Variants in MTMR7 observed in about 807,000 individuals in gnomAD.
MTMR7 encodes the protein phosphatidylinositol-3-phosphate phosphatase MTMR7.
Under a neutral mutation model 81.2 loss-of-function variants are expected in MTMR7, and 76 were observed. The observed-to-expected ratio is 0.94, with a 90% CI of 0.78 to 1.13. The LOEUF is 1.13. Among genes scored for constraint, MTMR7 ranks in the 50% most tolerant of loss-of-function variants. The pLI, the probability that MTMR7 is intolerant of heterozygous loss-of-function variation, is 0.00. For synonymous variants in MTMR7, 372 were observed against 289.8 expected (o/e 1.28, Z -2.88); for missense variants, 1,044 against 820.0 (o/e 1.27, Z -3.34).
At chr8:17,361,957 T>G (rs1820074548) in intron 3 of MTMR7, among the ~76,000 whole-genome samples, 1 of 152,204 alleles carries the variant, frequency 6.6e-6, no homozygotes, top group African/African-American at 2.4e-5. Context: ...GTGTTATCTC[T>G]GTCTTTATAT....
chr8:17,410,149 A>C (rs1189648625), intron 1 of MTMR7, among the ~76,000 whole-genome samples: 1 of 152,136 alleles, frequency 6.6e-6, no homozygotes, highest in African/African-American at 2.4e-5. Flanking sequence ...AGCAAAAAAA[A>C]ATAAATCAGG....
At chr8:17,305,596 T>TTTATGAAATGACACC (rs769074962) in intron 11 of MTMR7, among the ~76,000 whole-genome samples, 161 bp downstream of exon 11, 9 of 152,158 alleles carry the variant, frequency 5.9e-5, no homozygotes, top group Non-Finnish European at 1.0e-4. Flanking sequence ...ATTTAAACCA[T>TTTATGAAATGACACC]TTATGAAATG....
At chr8:17,407,586 T>C (rs1821624798) in intron 1 of MTMR7, among the ~76,000 whole-genome samples, 1 of 147,774 alleles carries the variant, frequency 6.8e-6, no homozygotes, top group Non-Finnish European at 1.5e-5. Flanking sequence ...TATAATGACA[T>C]TTCCATAGGA....
chr8:17,362,031 G>A (rs1453421650), intron 3 of MTMR7, among the ~76,000 whole-genome samples: 1 of 151,952 alleles, frequency 6.6e-6, no homozygotes, highest in Non-Finnish European at 1.5e-5. Context: ...TAAAATCTAG[G>A]ATTTGATTTT....
chr8:17,367,253 A>C (rs1043235040), intron 3 of MTMR7, among the ~76,000 whole-genome samples: 1 of 152,160 alleles, frequency 6.6e-6, no homozygotes, highest in African/African-American at 2.4e-5. Context: ...CTAGTTTAGG[A>C]AAAGGGGGAA....
intron 11 of MTMR7, among the ~76,000 whole-genome samples, chr8:17,305,368 A>G (rs1209969288): frequency 6.6e-6 from 1 of 152,224 alleles, no homozygotes; most frequent in East Asian, 1.9e-4. Context: ...TAATCTGAAT[A>G]AATTCTGGCT....
At chr8:17,382,977 A>G (rs1258762516) in intron 1 of MTMR7, among the ~76,000 whole-genome samples, 1 of 152,094 alleles carries the variant, frequency 6.6e-6, no homozygotes, top group Non-Finnish European at 1.5e-5. Context: ...CAGGGCACCA[A>G]ACTGTCAGGA....
At chr8:17,369,275 C>T (rs1820332825) in intron 3 of MTMR7, among the ~76,000 whole-genome samples, 1 of 152,214 alleles carries the variant, frequency 6.6e-6, no homozygotes. Context: ...CTTACTCTGC[C>T]TTTCTTTTAA....
At chr8:17,338,904 C>CCA (rs747680953) in intron 6 of MTMR7, 1 of 152,100 alleles carries the variant, frequency 6.6e-6, no homozygotes, top group African/African-American at 2.4e-5. Context: ...AGTAGTAACT[C>CCA]CACACACTTC....
intron 1 of MTMR7, among the ~76,000 whole-genome samples, chr8:17,385,735 T>C (rs1820917846): frequency 6.6e-6 from 1 of 152,208 alleles, no homozygotes; most frequent in African/African-American, 2.4e-5. Flanking sequence ...GTCTCTGTCT[T>C]GCTCCTGCTC....
At chr8:17,301,050 A>T (rs1029402493) in intron 13 of MTMR7, among the ~76,000 whole-genome samples, 1 of 152,226 alleles carries the variant, frequency 6.6e-6, no homozygotes, top group Admixed American at 6.5e-5. Flanking sequence ...TGTTCAGAAT[A>T]CATTTCGCCA....
intron 1 of MTMR7, among the ~76,000 whole-genome samples, chr8:17,407,893 A>G (rs541223347): frequency 2.0e-5 from 3 of 152,336 alleles, no homozygotes; most frequent in Non-Finnish European, 4.4e-5. Flanking sequence ...TGAATGATCA[A>G]GAGAAGGCAA....
intron 7 of MTMR7, among the ~76,000 whole-genome samples, chr8:17,324,053 G>A (rs946784653): frequency 6.6e-6 from 1 of 152,098 alleles, no homozygotes; most frequent in Non-Finnish European, 1.5e-5. Context: ...AATGTCAAAC[G>A]CTTTGGCTTT....
chr8:17,361,034 G>T, intron 4 of MTMR7, 83 bp downstream of exon 4: 1 of 1,464,740 alleles, frequency 6.8e-7, no homozygotes, highest in Non-Finnish European at 9.5e-7. Flanking sequence ...TATAAAACCT[G>T]AAGGAGATAA....
chr8:17,299,566 C>A lies in MTMR7; in HGVS notation c.*296G>T, dbSNP rs1586120699. The A allele has an allele frequency of 3.2e-6, 1 of 312,626 alleles. No homozygotes were observed. The highest frequency in any genetic ancestry group is 6.0e-6 in the Non-Finnish European group (1 of 167,774). The allele number at this position is 312,626 out of a possible 1,614,324, so 19.4% of individuals were successfully genotyped here. On this transcript the variant is annotated 3_prime_UTR_variant, in exon 14 of 14. Transcript: ENST00000180173. ...CATGCTATGACAAGGAAGATAGATA[C>A]TGATCACTTCAGGTAATGACAGAAG...
rs1047314779 is a variant in MTMR7 at position 17,301,393 on chromosome 8, T to C, written c.1620+761A>G. On this transcript the variant is annotated intron_variant, in intron 13 of 13. Transcript: ENST00000180173. ...TAAACTTGGACATTCTGGTGATAGC[T>C]AGTAAGCATTCCTGACAGGAGTAGG... Among the ~76,000 whole-genome samples the C allele has an allele frequency of 4.7e-4, 71 of 152,288 alleles. 1 individual carries two copies. Among genetic ancestry groups the C allele is most frequent in the Admixed American group, 3.2e-3 (49 of 15,296 alleles).
intron 3 of MTMR7, among the ~76,000 whole-genome samples, chr8:17,366,843 G>A (rs1028677240): frequency 1.4e-5 from 2 of 142,554 alleles, no homozygotes; most frequent in East Asian, 2.1e-4. Context: ...CCGAGATCGA[G>A]CCACTGCACT....
Position 17,369,454 on chromosome 8 carries a change from A to AAAG in MTMR7, c.310+1582_310+1583insCTT, listed in dbSNP as rs764699905. Among the ~76,000 whole-genome samples the AAAG allele has an allele frequency of 1.4e-3, 218 of 152,290 alleles. 3 individuals carry two copies. The highest frequency in any genetic ancestry group is 2.1e-3 in the Non-Finnish European group (143 of 68,020). On this transcript the variant is annotated intron_variant, in intron 3 of 13. Coordinates refer to ENST00000180173, the MANE Select transcript of MTMR7 (RefSeq NM_004686.5). ...CATAAGAAACTTAGGATCCAACCAA[A>AAAG]TGCCTTGAAAAGTTCATAATTGAAC...
At chr8:17,390,288 G>T (rs893219982) in intron 1 of MTMR7, among the ~76,000 whole-genome samples, 17 of 151,712 alleles carry the variant, frequency 1.1e-4, no homozygotes, top group African/African-American at 4.1e-4. Flanking sequence ...TTCTCACATG[G>T]TGGGAGCAGG....
Sources: gnomAD v4.1 joint callset for allele counts (sites outside exome capture counted in the v4.1 genomes callset) on GRCh38, gnomAD v4.1.1 for gene constraint, MANE v1.5 for transcripts, NCBI Gene and HGNC (gene_info 2026-07-23, HGNC 2026-07-21) for gene names.